Variants in SEMA3D observed in about 807,000 individuals in gnomAD.
SEMA3D encodes the protein semaphorin 3D.
In SEMA3D, 84 loss-of-function variants were observed where a neutral mutation model predicts 100.1. The ratio of observed to expected loss-of-function variants is 0.84; its 90% confidence interval spans 0.70 to 1.01. The LOEUF is 1.01. Ranked by LOEUF, SEMA3D falls within the 50% of genes least tolerant of loss-of-function variation. The pLI, the probability that SEMA3D is intolerant of heterozygous loss-of-function variation, is 0.00. For synonymous variants in SEMA3D, 312 were observed against 320.7 expected, an observed-to-expected ratio of 0.97 and a Z score of 0.29; for missense variants, 875 against 934.1, an observed-to-expected ratio of 0.94 and a Z score of 0.82.
intron 8 of SEMA3D, among the ~76,000 whole-genome samples, chr7:85,057,273 C>G (rs1649245641): frequency 6.6e-6 from 1 of 151,830 alleles, no homozygotes; most frequent in African/African-American, 2.4e-5. Flanking sequence ...TGTGAATTAA[C>G]CAGGTAACAG....
Position 85,157,646 on chromosome 7 carries a change from T to C in SEMA3D, c.-172-3907A>G, listed in dbSNP as rs963345417. On this transcript the variant is annotated intron_variant, in intron 1 of 18. Transcript: ENST00000284136. ...AAATTGCATCAGTTTATGCCGTACATACATCAACATTGTTTGGGGAGAACA... is the reference window on the plus strand; with the variant it reads ...AAATTGCATCAGTTTATGCCGTACACACATCAACATTGTTTGGGGAGAACA... The C allele has an allele frequency of 1.8e-5, 18 of 982,722 alleles. No individual in the cohort carries two copies. In the Admixed American group the frequency reaches 9.2e-4, roughly 50 times the overall value. 60.9% of individuals were successfully genotyped at this position (982,722 alleles called of 1,614,324 possible).
At chr7:85,021,925 A>G (rs1290875655) in intron 13 of SEMA3D, among the ~76,000 whole-genome samples, 1 of 151,840 alleles carries the variant, frequency 6.6e-6, no homozygotes, top group Non-Finnish European at 1.5e-5. Context: ...AAATTCAAGA[A>G]GAAAGATAAT....
intron 3 of SEMA3D, 96 bp downstream of exon 3, chr7:85,121,645 G>T: frequency 1.5e-6 from 1 of 649,044 alleles, no homozygotes. Context: ...ACATTTCACA[G>T]AAGTCAATAT....
upstream of SEMA3D, among the ~76,000 whole-genome samples, chr7:85,191,233 C>T (rs1435249836): frequency 6.6e-6 from 1 of 152,070 alleles, no homozygotes; most frequent in Non-Finnish European, 1.5e-5. Flanking sequence ...AACGGTTTTC[C>T]ACGCCTGATA....
intron 5 of SEMA3D, among the ~76,000 whole-genome samples, chr7:85,077,190 A>G (rs966980570): frequency 2.0e-5 from 3 of 151,876 alleles, no homozygotes; most frequent in African/African-American, 7.2e-5. Flanking sequence ...TATCACATTT[A>G]TATCTTAAAA....
At chr7:85,124,442 A>G (rs1415109084) in intron 2 of SEMA3D, among the ~76,000 whole-genome samples, 3 of 152,076 alleles carry the variant, frequency 2.0e-5, no homozygotes, top group Non-Finnish European at 4.4e-5. Flanking sequence ...CATTGGCATC[A>G]TATCTAATCG....
intron 17 of SEMA3D, among the ~76,000 whole-genome samples, chr7:85,007,446 TATG>T (rs1398879311): frequency 6.6e-6 from 1 of 151,748 alleles, no homozygotes; most frequent in African/African-American, 2.4e-5. Context: ...GACAAAATTC[TATG>T]ATGATGATGA....
At chr7:85,021,241 A>C (rs574030595) in intron 13 of SEMA3D, among the ~76,000 whole-genome samples, 199 of 151,924 alleles carry the variant, frequency 1.3e-3, no homozygotes, top group Non-Finnish European at 2.2e-3. Flanking sequence ...TTAAAAACCT[A>C]TCTTAGCAGT....
the SEMA3D span, among the ~76,000 whole-genome samples, chr7:85,232,222 A>G: frequency 6.6e-6 from 1 of 152,172 alleles, no homozygotes; most frequent in Admixed American, 6.5e-5. Flanking sequence ...AGCTAGGCCA[A>G]TATTTTTTTG....
At chr7:85,228,698 T>G in the SEMA3D span, among the ~76,000 whole-genome samples, 15 of 152,196 alleles carry the variant, frequency 9.9e-5, no homozygotes, top group African/African-American at 3.1e-4. Flanking sequence ...ATCTCATCTG[T>G]TTTTCTTATT....
At chr7:85,197,806 A>T in the SEMA3D span, among the ~76,000 whole-genome samples, 1 of 152,238 alleles carries the variant, frequency 6.6e-6, no homozygotes. Context: ...CAACAAAGAA[A>T]TGGACAATAA....
At chr7:85,029,055 G>T in intron 12 of SEMA3D, 1 of 514,822 alleles carries the variant, frequency 1.9e-6, no homozygotes, top group Non-Finnish European at 3.7e-6. Flanking sequence ...ATGGAGTCAT[G>T]GCTGTCCTCA....
chr7:85,156,273 T>C (rs1354198431), intron 1 of SEMA3D, among the ~76,000 whole-genome samples: 2 of 151,990 alleles, frequency 1.3e-5, no homozygotes, highest in Admixed American at 1.3e-4. Flanking sequence ...TGGCTAACTT[T>C]TGTATTTTCA....
At chr7:85,023,485 T>G (rs1240410072) in intron 12 of SEMA3D, among the ~76,000 whole-genome samples, 1 of 151,964 alleles carries the variant, frequency 6.6e-6, no homozygotes, top group Non-Finnish European at 1.5e-5. Context: ...ATTTGAATTC[T>G]CAATGGACTA....
chr7:85,160,210 T>TAA (rs150566367), intron 1 of SEMA3D, among the ~76,000 whole-genome samples: 2 of 152,038 alleles, frequency 1.3e-5, no homozygotes, highest in Non-Finnish European at 2.9e-5. Context: ...GTGTTTTTTT[T>TAA]ACCATTGAAG....
chr7:85,080,562 A>G (rs1393104270), intron 5 of SEMA3D, among the ~76,000 whole-genome samples: 2 of 152,296 alleles, frequency 1.3e-5, no homozygotes, highest in Non-Finnish European at 2.9e-5. Flanking sequence ...AAGCCTCAAG[A>G]TGTCTATGTT....
At chr7:85,117,318 C>A (rs2116387977) in intron 3 of SEMA3D, among the ~76,000 whole-genome samples, 1 of 152,262 alleles carries the variant, frequency 6.6e-6, no homozygotes, top group Non-Finnish European at 1.5e-5. Flanking sequence ...AACCACCCAG[C>A]TAAGCCTTTC....
intron 2 of SEMA3D, among the ~76,000 whole-genome samples, chr7:85,125,395 G>T (rs780486076): frequency 6.6e-6 from 1 of 151,912 alleles, no homozygotes; most frequent in Admixed American, 6.6e-5. Flanking sequence ...CTCTAACATC[G>T]TAAGTTAAGA....
intron 9 of SEMA3D, among the ~76,000 whole-genome samples, chr7:85,046,774 C>A (rs893358051): frequency 6.6e-6 from 1 of 151,950 alleles, no homozygotes; most frequent in Admixed American, 6.6e-5. Flanking sequence ...CCTCTAAGAA[C>A]TTTAAGCCCA....
Sources: gnomAD v4.1 joint callset for allele counts (sites outside exome capture counted in the v4.1 genomes callset) on GRCh38, gnomAD v4.1.1 for gene constraint, MANE v1.5 for transcripts, NCBI Gene and HGNC (gene_info 2026-07-23, HGNC 2026-07-21) for gene names.